The following AGPS variants were observed in gnomAD, a reference collection of about 807,000 sequenced individuals.
AGPS encodes the protein alkylglycerone phosphate synthase, also known as alkyldihydroxyacetonephosphate synthase, peroxisomal.
AGPS carries 26 observed loss-of-function variants against 90.7 expected under a neutral mutation model. The ratio of observed to expected loss-of-function variants is 0.29; its 90% confidence interval spans 0.21 to 0.40. AGPS has a LOEUF of 0.40. Ranked by LOEUF, AGPS falls within the 10% of genes least tolerant of loss-of-function variation. AGPS has a pLI of 1.00. For synonymous variants in AGPS, 294 were observed against 285.3 expected (o/e 1.03, Z -0.31); for missense variants, 540 against 816.1 (o/e 0.66, Z 4.12).
intron 13 of AGPS, among the ~76,000 whole-genome samples, chr2:177,498,897 A>G (rs1040836108): frequency 6.6e-6 from 1 of 151,598 alleles, no homozygotes; most frequent in Non-Finnish European, 1.5e-5. Context: ...TTGTAGGTCT[A>G]TTTTTCCCTC....
chr2:177,535,184 G>T (rs956820600), intron 19 of AGPS, among the ~76,000 whole-genome samples: 1 of 152,064 alleles, frequency 6.6e-6, no homozygotes. Context: ...AGAAGAATAG[G>T]CTTTATGTGG....
intron 1 of AGPS, among the ~76,000 whole-genome samples, chr2:177,410,281 T>C (rs528744218): frequency 6.6e-6 from 1 of 152,278 alleles, no homozygotes; most frequent in Admixed American, 6.5e-5. Flanking sequence ...TTCGTTTCCT[T>C]TCTGATGACC....
intron 14 of AGPS, among the ~76,000 whole-genome samples, chr2:177,502,607 G>A (rs982624929): frequency 4.0e-5 from 6 of 151,454 alleles, no homozygotes; most frequent in African/African-American, 9.7e-5. Flanking sequence ...GTGTGTGTGT[G>A]TTTTGTAGAG....
At chr2:177,474,804 C>A (rs139590376) in intron 10 of AGPS, among the ~76,000 whole-genome samples, 1 of 152,180 alleles carries the variant, frequency 6.6e-6, no homozygotes, top group Non-Finnish European at 1.5e-5. Flanking sequence ...TTTAACCAAA[C>A]CCCTGTTGGT....
chr2:177,415,420 CT>C (rs1181828818), intron 1 of AGPS, among the ~76,000 whole-genome samples: 2 of 152,124 alleles, frequency 1.3e-5, no homozygotes, highest in Non-Finnish European at 2.9e-5. Context: ...TCTTCATGTT[CT>C]TGTTAACAAC....
At chr2:177,538,013 A>T in intron 19 of AGPS, 61 bp from the exon 20 acceptor site, 6 of 1,594,718 alleles carry the variant, frequency 3.8e-6, no homozygotes, top group Non-Finnish European at 5.2e-6. Flanking sequence ...CATGGTCACA[A>T]GATTGATTGG....
rs575742383 is a variant in AGPS at position 177,459,150 on chromosome 2, C to T, written c.871-2743C>T. ...AAACTGAAACTGGACCCCTTCCTTA[C>T]ACCTTATAAAAAAATCAACTCAAGA... is the stretch of plus-strand genomic sequence containing the variant. On this transcript the variant is annotated intron_variant, in intron 8 of 19. Transcript: ENST00000264167. 7.2e-5 allele frequency among the ~76,000 whole-genome samples: 11 copies of T among 152,272 alleles called. No individual in the cohort carries two copies. In the East Asian group the frequency reaches 1.7e-3, roughly 24 times the overall value.
chr2:177,417,406 T>C (rs1685817634), intron 1 of AGPS, among the ~76,000 whole-genome samples: 1 of 152,206 alleles, frequency 6.6e-6, no homozygotes, highest in Non-Finnish European at 1.5e-5. Context: ...TATTCCAGAA[T>C]CTGAAAAATA....
intron 19 of AGPS, among the ~76,000 whole-genome samples, chr2:177,532,648 A>G (rs1262820518): frequency 6.6e-6 from 1 of 152,204 alleles, no homozygotes; most frequent in Non-Finnish European, 1.5e-5. Flanking sequence ...ATGTTCACAT[A>G]AAAACCTTAA....
intron 10 of AGPS, among the ~76,000 whole-genome samples, 193 bp downstream of exon 10, chr2:177,468,717 CTTTT>C (rs901747896): frequency 2.0e-5 from 3 of 151,800 alleles, no homozygotes; most frequent in African/African-American, 7.3e-5. Flanking sequence ...TTACATTTTG[CTTTT>C]TTATGTTTCT....
intron 1 of AGPS, among the ~76,000 whole-genome samples, chr2:177,406,936 G>A (rs1181993308): frequency 7.2e-5 from 11 of 152,228 alleles, no homozygotes; most frequent in Admixed American, 3.9e-4. Context: ...CCTCCACAAT[G>A]AAGGGTTCTT....
chr2:177,417,440 TC>T (rs1181069900), intron 1 of AGPS, among the ~76,000 whole-genome samples: 2 of 152,228 alleles, frequency 1.3e-5, no homozygotes, highest in Non-Finnish European at 1.5e-5. Flanking sequence ...ACACTTCTGG[TC>T]CCAAGCATTT....
chr2:177,440,083 A>C (rs1686553560), intron 5 of AGPS, among the ~76,000 whole-genome samples: 1 of 152,176 alleles, frequency 6.6e-6, no homozygotes, highest in East Asian at 1.9e-4. Flanking sequence ...TTAGTAGGTG[A>C]AAGTATGATG....
Position 177,487,120 on chromosome 2 carries a change from C to T in AGPS, c.1233+4934C>T, listed in dbSNP as rs560555688. Among the ~76,000 whole-genome samples the T allele has an allele frequency of 2.6e-5, 4 of 151,958 alleles. No individual in the cohort carries two copies. In the South Asian group the frequency reaches 8.3e-4, roughly 32 times the overall value. ...AATAAAATTGTTAGTTTGGAAATAA[C>T]GATGTCTTTACAAGGTTAAAAGGAA... On this transcript the variant is annotated intron_variant, in intron 11 of 19. Coordinates refer to ENST00000264167, the MANE Select transcript of AGPS (RefSeq NM_003659.4).
rs886055193 is a variant in AGPS, at chr2:177,542,148, A to G, written c.*3953A>G. On this transcript the variant is annotated 3_prime_UTR_variant, in exon 20 of 20. Transcript: ENST00000264167. ...TTCATATTTCCACTGATTTGAAAAC[A>G]CAAAATTTATTTTTATAATTTTGTT... 2.0e-5 allele frequency: 3 copies of G among 152,296 alleles called. No homozygotes were observed. Among genetic ancestry groups the G allele is most frequent in the African/African-American group, 7.2e-5 (3 of 41,574 alleles). The allele number at this position is 152,296 out of a possible 1,614,324, so 9.4% of individuals were successfully genotyped here. A position where few individuals can be genotyped will look rare whatever the true frequency, so the allele number is the denominator to read the frequency against.
rs1047047526 is a variant in AGPS at position 177,458,762 on chromosome 2, T to C, written c.871-3131T>C. Among the ~76,000 whole-genome samples, 5 of 152,172 alleles carry C rather than the reference T, an allele frequency of 3.3e-5. No homozygotes were observed. The South Asian group carries it at 1.0e-3, about 31-fold the overall frequency. ...TGGCCATACTGCCCAAAGTAATTTG[T>C]AGATGCAATGCTATTCCCATCAAGC... On this transcript the variant is annotated intron_variant, in intron 8 of 19. Transcript: ENST00000264167.
chr2:177,459,750 A>G (rs1044809763), intron 8 of AGPS, among the ~76,000 whole-genome samples: 8 of 152,246 alleles, frequency 5.3e-5, no homozygotes, highest in African/African-American at 1.4e-4. Context: ...TGTGGAAGAC[A>G]GTGTGGCAAT....
At chr2:177,503,942 G>A (rs1013535919) in intron 14 of AGPS, among the ~76,000 whole-genome samples, 1 of 152,112 alleles carries the variant, frequency 6.6e-6, no homozygotes. Flanking sequence ...AGAAATATTA[G>A]AAGAGGGTCT....
chr2:177,420,341 T>G lies in AGPS; in HGVS notation c.333T>G (p.Ile111Met). 1.2e-6 allele frequency: 2 copies of G among 1,607,450 alleles called. No individual in the cohort carries two copies. The highest frequency in any genetic ancestry group is 2.2e-5 in the South Asian group (2 of 90,918). ...SKFIFNKKGQ[I>M]ELTGKRYPLS... ...TCATCTTCAATAAGAAGGGCCAAAT[T>G]GAATTGACTGGGAAAAGGTAACCCT... The change falls in exon 2 of 20, where the codon ATT becomes ATG. Residue 111 changes from isoleucine to methionine, a missense_variant. Coordinates refer to ENST00000264167, the MANE Select transcript of AGPS (RefSeq NM_003659.4).
Sources: gnomAD v4.1 joint callset for allele counts (sites outside exome capture counted in the v4.1 genomes callset) on GRCh38, gnomAD v4.1.1 for gene constraint, MANE v1.5 for transcripts, NCBI Gene and HGNC (gene_info 2026-07-23, HGNC 2026-07-21) for gene names.